MUC3A: variants seen among roughly 807,000 people sequenced by gnomAD.
The protein encoded by MUC3A is mucin 3A, cell surface associated.
Under a neutral mutation model 109.0 loss-of-function variants are expected in MUC3A, and 109 were observed. The ratio of observed to expected loss-of-function variants is 1.00; its 90% confidence interval spans 0.86 to 1.17. The LOEUF (loss-of-function observed/expected upper bound fraction) is 1.17, where lower values mean the gene tolerates loss of function less well. Among genes scored for constraint, MUC3A ranks in the 50% most tolerant of loss-of-function variants. MUC3A has a pLI of 0.00. For missense variants in MUC3A, 3,537 were observed against 2,469.4 expected, an observed-to-expected ratio of 1.43 and a Z score of -9.16; for synonymous variants, 1,398 against 981.4, an observed-to-expected ratio of 1.42 and a Z score of -7.93.
Position 100,955,060 on chromosome 7 carries a change from T to A in MUC3A, c.3281T>A (p.Ile1094Asn). 2.1e-6 allele frequency: 1 copy of A among 475,086 alleles called. No homozygotes were observed. 29.4% of individuals were successfully genotyped at this position (475,086 alleles called of 1,614,324 possible). A position where few individuals can be genotyped will look rare whatever the true frequency, so the allele number is the denominator to read the frequency against. ...ACCTACCCTACTTCTCCCACCAGCA[T>A]TGTCTCAGACTCCACGACTGAAATC... ...ETTYPTSPTS[I>N]VSDSTTEITY... Residue 1094 changes from isoleucine to asparagine, a missense_variant, in exon 2 of 12, where the codon ATT becomes AAT. Physicochemically the swap from Ile to Asn is moderately radical, Grantham distance 149 (BLOSUM62 -3). Transcript: ENST00000379458.
chr7:100,966,269 A>ACACCCCAGCTTGCCCAAGGGTGGAAC, intron 8 of MUC3A, 117 bp from the exon 9 acceptor site: 2 of 984,760 alleles, frequency 2.0e-6, no homozygotes, highest in Non-Finnish European at 1.3e-6. Context: ...CTAGGGTGGA[A>ACACCCCAGCTTGCCCAAGGGTGGAAC]CCCCCCGCTG....
At position 100,962,060 on chromosome 7, in the gene MUC3A, G is replaced by A. The variant is rs1252558546; in HGVS notation, c.9053-1091G>A. Among the ~76,000 whole-genome samples the A allele has an allele frequency of 3.5e-5, 2 of 56,612 alleles. 1 individual carries two copies. The highest frequency in any genetic ancestry group is 5.5e-4 in the Admixed American group (2 of 3,614). The allele number at this position is 56,612 out of a possible 152,430, so 37.1% of individuals were successfully genotyped here. On this transcript the variant is annotated intron_variant, in intron 3 of 11. Coordinates refer to ENST00000379458, the MANE Select transcript of MUC3A (RefSeq NM_005960.2). ...ATCCCAGCTAAAACGGTGAAACCCC[G>A]TCTCTACTAAAAATACAAAAAATTA... is the stretch of plus-strand genomic sequence containing the variant.
Position 100,958,541 on chromosome 7 carries a change from C to G in MUC3A, c.6762C>G (p.Pro2254=). ...CTGAGACTACATCCCACAGTACTCC[C>G]AGCTTCACTTCTTCGATCACCACCA... is the stretch of plus-strand genomic sequence containing the variant. The part of the protein sequence containing the change: ...TTTETTSHST[P]SFTSSITTTE... The change falls in exon 2 of 12, where the codon CCC becomes CCG. Residue 2254 remains proline, a synonymous_variant. Transcript: ENST00000379458. 7.5e-7 allele frequency: 1 copy of G among 1,327,764 alleles called. No homozygotes were observed. Among genetic ancestry groups the G allele is most frequent in the South Asian group, 1.2e-5 (1 of 84,668 alleles). 82.2% of individuals were successfully genotyped at this position (1,327,764 alleles called of 1,614,324 possible). A position where few individuals can be genotyped will look rare whatever the true frequency, so the allele number is the denominator to read the frequency against.
At position 100,966,470 on chromosome 7, in the gene MUC3A, G is replaced by C; in HGVS notation, c.9696G>C (p.Thr3232=). ...VHWRALVGGL[T]AGAALLVLLL... ...GGAGGGCGCTGGTCGGGGGCCTGAC[G>C]GCCGGCGCCGCGCTGCTGGTGCTGC... The change falls in exon 9 of 12, where the codon ACG becomes ACC. Residue 3232 remains threonine, a synonymous_variant. Transcript: ENST00000379458. 1 of 1,331,320 alleles carries C rather than the reference G, an allele frequency of 7.5e-7. No individual in the cohort carries two copies. The highest frequency in any genetic ancestry group is 9.5e-7 in the Non-Finnish European group (1 of 1,049,148). The allele number at this position is 1,331,320 out of a possible 1,614,324, so 82.5% of individuals were successfully genotyped here.
chr7:100,964,828 T>A lies in MUC3A; in HGVS notation c.9367T>A (p.Cys3123Ser). Residue 3123 changes from cysteine to serine, a missense_variant, in exon 6 of 12, where the codon TGC becomes AGC. Cys to Ser is a moderately radical substitution (Grantham distance 112). Coordinates refer to ENST00000379458, the MANE Select transcript of MUC3A (RefSeq NM_005960.2). Reference sequence around the variant, plus strand: ...GAACGCCAGCCAGGATGTGAACAGCTGCCAGGACTCCCAGAGTGAGCCCAG... The same window carrying A: ...GAACGCCAGCCAGGATGTGAACAGCAGCCAGGACTCCCAGAGTGAGCCCAG... ...LQNASQDVNS[C>S]QDSQTLCFKP... The A allele has an allele frequency of 6.3e-7, 1 of 1,597,888 alleles. No individual in the cohort carries two copies. Among genetic ancestry groups the A allele is most frequent in the Non-Finnish European group, 8.5e-7 (1 of 1,179,326 alleles).
chr7:100,958,881 A>T lies in MUC3A; in HGVS notation c.7102A>T (p.Thr2368Ser). 2 of 1,592,550 alleles carry T rather than the reference A, an allele frequency of 1.3e-6. No individual in the cohort carries two copies. The highest frequency in any genetic ancestry group is 1.3e-5 in the African/African-American group (1 of 74,582). ...FTSSITTTET[T>S]SHSTPSFSSS... ...TTCTTCGATCACCACCACCGAGACC[A>T]CCTCACACAGTACTCCCAGCTTCAG... The change falls in exon 2 of 12, where the codon ACC becomes TCC. Residue 2368 changes from threonine (T) to serine (S), a missense_variant. Transcript: ENST00000379458.
intron 10 of MUC3A, 38 bp from the exon 11 acceptor site, chr7:100,966,861 C>G (rs754392387): frequency 1.3e-6 from 2 of 1,598,358 alleles, no homozygotes; most frequent in East Asian, 2.2e-5. Flanking sequence ...CGTCCCCTCC[C>G]TCTCCCCTTC....
intron 5 of MUC3A, chr7:100,964,014 C>G (rs1792434171): frequency 3.3e-6 from 2 of 610,062 alleles, no homozygotes; most frequent in South Asian, 4.0e-5. Flanking sequence ...GGATTGATGA[C>G]TTTGTCCCCC....
rs779969297 is a variant in MUC3A, at chr7:100,966,460, G to A, written c.9686G>A (p.Gly3229Glu). The part of the protein sequence containing the change: ...EVAVHWRALV[G>E]GLTAGAALLV... ...GCCGTCCACTGGAGGGCGCTGGTCG[G>A]GGGCCTGACGGCCGGCGCCGCGCTG... is the stretch of plus-strand genomic sequence containing the variant. The change falls in exon 9 of 12, where the codon GGG (glycine) becomes GAG (glutamate). Residue 3229 changes from glycine (G) to glutamate (E), a missense_variant. Physicochemically the swap from Gly to Glu is moderately conservative, Grantham distance 98. Coordinates refer to ENST00000379458, the MANE Select transcript of MUC3A (RefSeq NM_005960.2). 1.5e-6 allele frequency: 2 copies of A among 1,341,362 alleles called. No homozygotes were observed. Among genetic ancestry groups the A allele is most frequent in the Admixed American group, 6.2e-5 (2 of 32,042 alleles). 83.1% of individuals were successfully genotyped at this position (1,341,362 alleles called of 1,614,324 possible).
chr7:100,960,776 G>A lies in MUC3A; in HGVS notation c.8891G>A (p.Trp2964Ter), dbSNP rs747485968. 2 of 1,597,812 alleles carry A rather than the reference G, an allele frequency of 1.3e-6. No homozygotes were observed. Among genetic ancestry groups the A allele is most frequent in the Non-Finnish European group, 1.7e-6 (2 of 1,179,290 alleles). The change falls in exon 3 of 12, where the codon TGG becomes TAG. Residue 2964 changes from tryptophan (W) to a stop codon, truncating the protein, a stop_gained. Coordinates refer to ENST00000379458, the MANE Select transcript of MUC3A (RefSeq NM_005960.2). LOFTEE classifies it high-confidence loss of function. ...GGCACCTGTGACAATGGTGGCACCT[G>A]GGAACAGGGCCAGTGTGCTTGCCTT... ...TAGTCDNGGT[W>*]EQGQCACLPG... is the part of the protein sequence containing the mutation.
intron 7 of MUC3A, 54 bp downstream of exon 7, chr7:100,965,401 C>G: frequency 6.4e-7 from 1 of 1,565,950 alleles, no homozygotes; most frequent in Non-Finnish European, 8.6e-7. Flanking sequence ...TCCGGGCTAC[C>G]AGGGACATTT....
Position 100,960,013 on chromosome 7 carries a change from GC to G in MUC3A, c.8235del (p.Ser2746ProfsTer3), listed in dbSNP as rs1563069888. 1 of 1,507,980 alleles carries G rather than the reference GC, an allele frequency of 6.6e-7. No homozygotes were observed. The highest frequency in any genetic ancestry group is 2.3e-5 in the East Asian group (1 of 44,220). 93.4% of individuals were successfully genotyped at this position (1,507,980 alleles called of 1,614,324 possible). On this transcript the variant is annotated frameshift_variant, in exon 2 of 12. Coordinates refer to ENST00000379458, the MANE Select transcript of MUC3A (RefSeq NM_005960.2). LOFTEE classifies it high-confidence loss of function. ...GCAACTACCAGCACTTCTTCAACCA[GC>G]TCCTCTCTGACCACAGCTCTCACTG... ...SSATTSTSST[S>X]SSLTTALTEI... is the part of the protein sequence containing the mutation.
intron 2 of MUC3A, 37 bp from the exon 3 acceptor site, chr7:100,960,715 T>C: frequency 1.3e-6 from 2 of 1,595,240 alleles, no homozygotes; most frequent in Non-Finnish European, 1.7e-6. Flanking sequence ...GAGGTCAGGC[T>C]TTATCCTGAG....
chr7:100,966,689 G>A lies in MUC3A; in HGVS notation c.9823G>A (p.Asp3275Asn), dbSNP rs1305581309. Residue 3275 changes from aspartate to asparagine, a missense_variant, in exon 10 of 12, where the codon GAT becomes AAT. Physicochemically the swap from Asp to Asn is conservative, Grantham distance 23 (BLOSUM62 1). Transcript: ENST00000379458. Reference sequence around the variant, plus strand: ...GGACAGGAAATGGTTCGAGACCTGGGATGAGGAAGTCGTGGGCACTTTTTC... The same window carrying A: ...GGACAGGAAATGGTTCGAGACCTGGAATGAGGAAGTCGTGGGCACTTTTTC... The part of the protein sequence containing the change: ...DQDRKWFETW[D>N]EEVVGTFSNW... 18 of 1,598,544 alleles carry A rather than the reference G, an allele frequency of 1.1e-5. No individual in the cohort carries two copies. The highest frequency in any genetic ancestry group is 1.4e-5 in the Non-Finnish European group (16 of 1,179,820).
chr7:100,951,979 C>A lies in MUC3A; in HGVS notation c.200C>A (p.Ala67Asp), dbSNP rs1791957514. ...GGTGTCCCCCAGCTCGCCTCTCCTG[C>A]TCCTGGCCACAGGGAAAATGCACCT... ...PLGVPQLASPAPGHRENAPMT... is the reference protein window; with the variant it reads ...PLGVPQLASPDPGHRENAPMT... The change falls in exon 2 of 12, where the codon GCT (alanine) becomes GAT (aspartate). Residue 67 changes from alanine (A) to aspartate (D), a missense_variant. Ala to Asp is a moderately radical substitution (Grantham distance 126). Transcript: ENST00000379458. 6.3e-7 allele frequency: 1 copy of A among 1,598,554 alleles called. No individual in the cohort carries two copies. The highest frequency in any genetic ancestry group is 8.5e-7 in the Non-Finnish European group (1 of 1,179,824).
At chr7:100,965,633 C>A in intron 7 of MUC3A, 71 bp from the exon 8 acceptor site, 1 of 1,543,612 alleles carries the variant, frequency 6.5e-7, no homozygotes. Context: ...TATTCAGAGG[C>A]ACCGTTATCA....
rs1554459029 is a variant in MUC3A, at chr7:100,961,961, C to T, written c.9052+1024C>T. ...TCATCTCCACAAAAAATTTTAAAAACTTACCTCACGCCTGTAATCCCAGCA... is the reference window on the plus strand; with the variant it reads ...TCATCTCCACAAAAAATTTTAAAAATTTACCTCACGCCTGTAATCCCAGCA... On this transcript the variant is annotated intron_variant, in intron 3 of 11. Coordinates refer to ENST00000379458, the MANE Select transcript of MUC3A (RefSeq NM_005960.2). Among the ~76,000 whole-genome samples the T allele has an allele frequency of 7.4e-4, 33 of 44,652 alleles. 8 individuals carry two copies. In the East Asian group the frequency reaches 0.018, roughly 24 times the overall value. 29.3% of individuals were successfully genotyped at this position (44,652 alleles called of 152,430 possible).
chr7:100,966,165 G>GATCCCCGCCCCCTCCTTTTAGGGTTA, intron 8 of MUC3A: 1 of 341,286 alleles, frequency 2.9e-6, no homozygotes, highest in Non-Finnish European at 4.9e-6. Flanking sequence ...TTCTAGGGTG[G>GATCCCCGCCCCCTCCTTTTAGGGTTA]AGCCCTGCCC....
chr7:100,951,168 T>G lies in MUC3A; in HGVS notation c.62-673T>G, dbSNP rs1438317474. ...CACTACGCCTGGCTAATTTTTGTAT[T>G]TTGTTTTAGTAGAGAAAGGGTTTCA... On this transcript the variant is annotated intron_variant, in intron 1 of 11. Transcript: ENST00000379458. Among the ~76,000 whole-genome samples, 3 of 151,760 alleles carry G rather than the reference T, an allele frequency of 2.0e-5. No homozygotes were observed. The South Asian group carries it at 6.2e-4, about 32-fold the overall frequency.
Sources: gnomAD v4.1 joint callset for allele counts (sites outside exome capture counted in the v4.1 genomes callset) on GRCh38, gnomAD v4.1.1 for gene constraint, MANE v1.5 for transcripts, NCBI Gene and HGNC (gene_info 2026-07-23, HGNC 2026-07-21) for gene names.